The following ANAPC10 variants were observed in gnomAD, a reference collection of about 807,000 sequenced individuals.
The protein encoded by ANAPC10 is anaphase-promoting complex subunit 10.
ANAPC10 carries 12 observed loss-of-function variants against 22.0 expected under a neutral mutation model. That is an observed-to-expected ratio of 0.55 (90% CI 0.35 to 0.88). The LOEUF (loss-of-function observed/expected upper bound fraction) is 0.88, where lower values mean the gene tolerates loss of function less well. ANAPC10 is among the 40% of genes least tolerant of loss of function. The probability of loss-of-function intolerance (pLI) is 0.01; values close to 1 mark genes in which losing one functional copy is unlikely to be tolerated. For missense variants in ANAPC10, 188 were observed against 220.9 expected (o/e 0.85, Z 0.94); for synonymous variants, 65 against 69.5 (o/e 0.94, Z 0.32).
At chr4:145,020,326 C>A (rs868244689) in intron 4 of ANAPC10, among the ~76,000 whole-genome samples, 1 of 152,000 alleles carries the variant, frequency 6.6e-6, no homozygotes, top group South Asian at 2.1e-4. Context: ...AGAATGAAAA[C>A]AAAAATCACA....
intron 2 of ANAPC10, among the ~76,000 whole-genome samples, chr4:145,093,572 A>C (rs1323250933): frequency 1.3e-5 from 2 of 152,078 alleles, no homozygotes; most frequent in Admixed American, 1.3e-4. Flanking sequence ...ATGTTAAAAA[A>C]AAAAAACAAA....
chr4:145,055,920 T>A (rs1188059338), intron 4 of ANAPC10, among the ~76,000 whole-genome samples: 1 of 152,168 alleles, frequency 6.6e-6, no homozygotes, highest in Non-Finnish European at 1.5e-5. Context: ...TGGTATATGT[T>A]TTTTGCAATT....
chr4:145,006,381 T>C (rs1157958072), intron 4 of ANAPC10, among the ~76,000 whole-genome samples: 1 of 152,096 alleles, frequency 6.6e-6, no homozygotes, highest in East Asian at 1.9e-4. Context: ...AGACTATGGG[T>C]ATCATTGCAT....
chr4:145,035,118 A>G (rs1342435177), intron 4 of ANAPC10: 3 of 152,192 alleles, frequency 2.0e-5, no homozygotes, highest in Non-Finnish European at 4.4e-5. Context: ...TTTTCATGCA[A>G]GATTTGGAAA....
intron 2 of ANAPC10, among the ~76,000 whole-genome samples, chr4:145,089,016 T>C (rs1042725605): frequency 6.6e-6 from 1 of 152,204 alleles, no homozygotes; most frequent in Non-Finnish European, 1.5e-5. Context: ...CTGAAATCTT[T>C]GCACAATGAA....
chr4:145,050,431 A>G (rs1740930980), intron 4 of ANAPC10, among the ~76,000 whole-genome samples: 1 of 152,234 alleles, frequency 6.6e-6, no homozygotes, highest in South Asian at 2.1e-4. Context: ...TAGGATTATT[A>G]GAATAGTGAG....
At chr4:145,067,345 A>G (rs1303570140) in intron 3 of ANAPC10, among the ~76,000 whole-genome samples, 2 of 152,156 alleles carry the variant, frequency 1.3e-5, no homozygotes, top group Non-Finnish European at 2.9e-5. Flanking sequence ...CTATATTCGT[A>G]GCATAAGATA....
At chr4:145,013,266 T>C (rs965561361) in intron 4 of ANAPC10, among the ~76,000 whole-genome samples, 8 of 151,964 alleles carry the variant, frequency 5.3e-5, no homozygotes, top group African/African-American at 1.9e-4. Context: ...AACTAATCTT[T>C]CTCATGAGCA....
intron 4 of ANAPC10, among the ~76,000 whole-genome samples, chr4:145,016,208 T>C (rs1301567739): frequency 6.6e-6 from 1 of 152,222 alleles, no homozygotes; most frequent in Non-Finnish European, 1.5e-5. Context: ...CATGATTGTA[T>C]ATTTAGAAAA....
intron 4 of ANAPC10, among the ~76,000 whole-genome samples, chr4:145,043,582 A>G (rs1739838937): frequency 6.6e-6 from 1 of 152,052 alleles, no homozygotes; most frequent in Admixed American, 6.6e-5. Context: ...CTTATTACAC[A>G]TTGTCTTTCT....
intron 3 of ANAPC10, among the ~76,000 whole-genome samples, chr4:145,071,265 G>A (rs1232349614): frequency 6.6e-6 from 1 of 152,088 alleles, no homozygotes; most frequent in Non-Finnish European, 1.5e-5. Flanking sequence ...AATTAGCCAG[G>A]CGTGGTGATG....
chr4:145,041,197 T>G (rs1352028716), intron 4 of ANAPC10, among the ~76,000 whole-genome samples: 2 of 152,220 alleles, frequency 1.3e-5, no homozygotes, highest in African/African-American at 2.4e-5. Context: ...TAGCTAAATC[T>G]AGAACATCTG....
At chr4:145,053,783 G>GAAA (rs755704014) in intron 4 of ANAPC10, 22 of 509,950 alleles carry the variant, frequency 4.3e-5, no homozygotes, top group South Asian at 1.1e-4. Flanking sequence ...ACATGAGGCT[G>GAAA]AAAAAAAAAA....
At chr4:145,026,792 A>G (rs567124871) in intron 4 of ANAPC10, among the ~76,000 whole-genome samples, 1 of 150,716 alleles carries the variant, frequency 6.6e-6, no homozygotes, top group Admixed American at 6.6e-5. Flanking sequence ...AAGCATCATT[A>G]ATATCCTCAG....
At chr4:145,031,552 C>T (rs1291636024) in intron 4 of ANAPC10, among the ~76,000 whole-genome samples, 1 of 152,206 alleles carries the variant, frequency 6.6e-6, no homozygotes, top group Non-Finnish European at 1.5e-5. Context: ...GCCCACTTAT[C>T]GAGTGACCTG....
intron 4 of ANAPC10, among the ~76,000 whole-genome samples, chr4:145,034,063 C>A (rs1006120853): frequency 6.6e-6 from 1 of 152,088 alleles, no homozygotes; most frequent in Non-Finnish European, 1.5e-5. Context: ...ATAATTATGA[C>A]CCAATATTGT....
intron 3 of ANAPC10, among the ~76,000 whole-genome samples, chr4:145,080,768 G>A (rs1421493397): frequency 6.6e-6 from 1 of 151,918 alleles, no homozygotes; most frequent in Non-Finnish European, 1.5e-5. Context: ...TTAGCCGGGC[G>A]TGGTGGCGCA....
chr4:145,034,077 T>C (rs1188458169), intron 4 of ANAPC10, among the ~76,000 whole-genome samples: 2 of 152,198 alleles, frequency 1.3e-5, no homozygotes, highest in East Asian at 3.8e-4. Context: ...ATATTGTCTT[T>C]ATATGAAGAT....
chr4:145,017,532 C>G (rs75336464), intron 4 of ANAPC10, among the ~76,000 whole-genome samples: 33,707 of 152,172 alleles, frequency 0.22, 4,662 homozygotes, highest in Non-Finnish European at 0.3. Context: ...AGACTGTGAA[C>G]TAGTTCAACC....
Sources: allele counts gnomAD v4.1 joint callset (sites outside exome capture counted in the v4.1 genomes callset), GRCh38; gene constraint gnomAD v4.1.1; transcripts MANE v1.5; gene names NCBI Gene and HGNC (gene_info 2026-07-23, HGNC 2026-07-21).